The following WDR90 variants were observed in gnomAD, a reference collection of about 807,000 sequenced individuals.
WDR90 encodes WD repeat-containing protein 90.
Under a neutral mutation model 195.2 loss-of-function variants are expected in WDR90, and 238 were observed. The ratio of observed to expected loss-of-function variants is 1.22; its 90% confidence interval spans 1.10 to 1.36. WDR90 has a LOEUF of 1.36. WDR90 is among the 40% of genes most tolerant of loss of function. WDR90 has a pLI of 0.00. For synonymous variants in WDR90, 1,265 were observed against 1,052.4 expected (o/e 1.20, Z -3.91); for missense variants, 2,734 against 2,439.5 (o/e 1.12, Z -2.54).
chr16:651,111 G>A lies in WDR90; in HGVS notation c.668+8G>A. ...CCGCTACATCCACGTCCGGTGAGTG[G>A]TTCTGCTTCTTTCGAGGGAGGCCTC... On this transcript the variant is annotated splice_region_variant and intron_variant, in intron 6 of 40. Coordinates refer to ENST00000293879, the MANE Select transcript of WDR90 (RefSeq NM_145294.5). 2.0e-6 allele frequency: 3 copies of A among 1,526,644 alleles called. No homozygotes were observed. Among genetic ancestry groups the A allele is most frequent in the African/African-American group, 1.4e-5 (1 of 72,716 alleles). The allele number at this position is 1,526,644 out of a possible 1,614,324, so 94.6% of individuals were successfully genotyped here.
chr16:658,204 A>G lies in WDR90; in HGVS notation c.2626A>G (p.Thr876Ala). ...CCAGCTGCTGCGAGTTGACATCGGC[A>G]CTCTGGACCTGGCCAGCAGCCGCCT... ...LDELLRVDIGTLDLASSRLDS... is the reference protein window; with the variant it reads ...LDELLRVDIGALDLASSRLDS... Residue 876 changes from threonine (T) to alanine (A), a missense_variant, in exon 22 of 41, where the codon ACT (threonine) becomes GCT (alanine). Thr to Ala is a moderately conservative substitution (Grantham distance 58). Transcript: ENST00000293879. 6.2e-7 allele frequency: 1 copy of G among 1,610,810 alleles called. No individual in the cohort carries two copies. The highest frequency in any genetic ancestry group is 8.5e-7 in the Non-Finnish European group (1 of 1,178,832).
chr16:657,714 C>T, intron 20 of WDR90, 48 bp from the exon 21 acceptor site: 3 of 1,490,230 alleles, frequency 2.0e-6, no homozygotes, highest in Non-Finnish European at 2.7e-6. Flanking sequence ...TGGCCACGCG[C>T]ACCCCGGCAC....
At chr16:659,508 A>T in intron 26 of WDR90, 132 bp downstream of exon 26, 165 of 1,043,330 alleles carry the variant, frequency 1.6e-4, no homozygotes, top group Middle Eastern at 6.3e-4. Flanking sequence ...GGTGGAACAC[A>T]GTGGGGTCGG....
rs377039926 is a variant in WDR90, at chr16:653,441, A to G, written c.1223A>G (p.His408Arg). The change falls in exon 11 of 41, where the codon CAC becomes CGC. Residue 408 changes from histidine to arginine, a missense_variant. Coordinates refer to ENST00000293879, the MANE Select transcript of WDR90 (RefSeq NM_145294.5). ...GGGGAGCAGCGCTTCTTCCTTGGCC[A>G]CACAGACAAGGTGGGTGCTGCCCGG... ...DTGEQRFFLG[H>R]TDKVSALALD... 6.2e-7 allele frequency: 1 copy of G among 1,612,290 alleles called. No individual in the cohort carries two copies. The highest frequency in any genetic ancestry group is 8.5e-7 in the Non-Finnish European group (1 of 1,179,542).
chr16:656,350 G>T lies in WDR90; in HGVS notation c.2015G>T (p.Arg672Leu). ...SSVCVSPDGLRVLSATSSGHL... is the reference protein window; with the variant it reads ...SSVCVSPDGLLVLSATSSGHL... ...GTCTGTGTCAGCCCCGATGGCCTCC[G>T]TGTGCTGTCTGCCACCTCCTCGGGC... The change falls in exon 18 of 41, where the codon CGT becomes CTT. Residue 672 changes from arginine to leucine, a missense_variant. Physicochemically the swap from Arg to Leu is moderately radical, Grantham distance 102 (BLOSUM62 -2). Transcript: ENST00000293879. The T allele has an allele frequency of 6.3e-7, 1 of 1,586,832 alleles. No homozygotes were observed. The highest frequency in any genetic ancestry group is 8.6e-7 in the Non-Finnish European group (1 of 1,166,494).
chr16:656,115 C>T, intron 17 of WDR90, 187 bp from the exon 18 acceptor site: 1 of 755,506 alleles, frequency 1.3e-6, no homozygotes, highest in Non-Finnish European at 2.1e-6. Flanking sequence ...GTGTGTGAAG[C>T]CCCTCAGCCT....
At chr16:665,452 G>A (rs1388980771) in intron 34 of WDR90, 1 of 641,050 alleles carries the variant, frequency 1.6e-6, no homozygotes, top group African/African-American at 1.8e-5. Context: ...TATCCCGCCG[G>A]GTTTGACTGG....
chr16:649,854 G>A lies in WDR90; in HGVS notation c.102G>A (p.Thr34=). The change falls in exon 2 of 41, where the codon ACG becomes ACA. Residue 34 remains threonine, a splice_region_variant and synonymous_variant. Coordinates refer to ENST00000293879, the MANE Select transcript of WDR90 (RefSeq NM_145294.5). ...AGCAGGGGGACGTGGCCGTGGTCAC[G>A]GTAGGCGGCCGGGGGCTCGCCCGGA... is the stretch of plus-strand genomic sequence containing the variant. ...SAKQGDVAVV[T]DKTLKGAVYR... is the part of the protein sequence containing the mutation. The A allele has an allele frequency of 6.3e-7, 1 of 1,579,090 alleles. No homozygotes were observed. Among genetic ancestry groups the A allele is most frequent in the Non-Finnish European group, 8.6e-7 (1 of 1,162,934 alleles).
chr16:661,120 G>A lies in WDR90; in HGVS notation c.3461G>A (p.Trp1154Ter). 1.9e-6 allele frequency: 3 copies of A among 1,562,552 alleles called. No homozygotes were observed. The highest frequency in any genetic ancestry group is 2.6e-6 in the Non-Finnish European group (3 of 1,162,156). Reference sequence around the variant, plus strand: ...CTGCACTCTGGCGCCCAGCAGCACTGGTCCGGCCACTCTGCGGAGATCTCC... The same window carrying A: ...CTGCACTCTGGCGCCCAGCAGCACTAGTCCGGCCACTCTGCGGAGATCTCC... The part of the protein sequence containing the change: ...EDLHSGAQQH[W>*]SGHSAEISTL... The change falls in exon 29 of 41, where the codon TGG becomes TAG. Residue 1154 changes from tryptophan (W) to a stop codon, truncating the protein, a stop_gained. Transcript: ENST00000293879. LOFTEE classifies it high-confidence loss of function.
At chr16:649,949 T>G in intron 2 of WDR90, 42 bp from the exon 3 acceptor site, 1 of 1,608,736 alleles carries the variant, frequency 6.2e-7, no homozygotes, top group Non-Finnish European at 8.5e-7. Flanking sequence ...CCGCTGCACT[T>G]CTTCTGGGTG....
chr16:659,910 G>A lies in WDR90; in HGVS notation c.3185-148G>A, dbSNP rs1012370031. 1.4e-5 allele frequency: 9 copies of A among 641,060 alleles called. No homozygotes were observed. The African/African-American group carries it at 1.5e-4, about 10-fold the overall frequency. The allele number at this position is 641,060 out of a possible 1,614,324, so 39.7% of individuals were successfully genotyped here. On this transcript the variant is annotated intron_variant, in intron 26 of 40. Transcript: ENST00000293879. ...GGTCACCTGCAGTGGGACACGGTTT[G>A]CCTGCGTCTGTGGCTCCGGCCTGTG...
Position 653,776 on chromosome 16 carries a change from G to T in WDR90, c.1410G>T (p.Gly470=). 1 of 1,613,280 alleles carries T rather than the reference G, an allele frequency of 6.2e-7. No individual in the cohort carries two copies. The highest frequency in any genetic ancestry group is 8.5e-7 in the Non-Finnish European group (1 of 1,179,990). ...CTGACAGCGGGGCCCTTCTCTGCGG[G>T]GTTGGCAAGGACCACCACGGGAGGA... ...SFSDSGALLC[G]VGKDHHGRTM... is the part of the protein sequence containing the mutation. Residue 470 remains glycine, a synonymous_variant, in exon 13 of 41, where the codon GGG becomes GGT. Coordinates refer to ENST00000293879, the MANE Select transcript of WDR90 (RefSeq NM_145294.5).
At position 660,636 on chromosome 16, in the gene WDR90, G is replaced by A. The variant is rs1014997269; in HGVS notation, c.3313G>A (p.Gly1105Ser). The A allele has an allele frequency of 1.1e-5, 17 of 1,576,244 alleles. No individual in the cohort carries two copies. The highest frequency in any genetic ancestry group is 7.3e-5 in the Admixed American group (4 of 55,014). The change falls in exon 28 of 41, where the codon GGT becomes AGT. Residue 1105 changes from glycine to serine, a missense_variant. Transcript: ENST00000293879. ...AKGTCPPPAS[G>S]GWLRLKAVVG... ...GGGCACTTGCCCGCCTCCCGCCAGC[G>A]GTGGGTGGCTGCGTCTGAAGGCTGT...
intron 20 of WDR90, 25 bp from the exon 21 acceptor site, chr16:657,737 T>C (rs1766660316): frequency 3.9e-6 from 6 of 1,525,958 alleles, no homozygotes; most frequent in Non-Finnish European, 5.3e-6. Context: ...CCCACCCAGC[T>C]GACCCCTGCC....
In WDR90 at chr16:666,014, C is replaced by T; in HGVS notation, c.4499C>T (p.Ala1500Val). Residue 1500 changes from alanine (A) to valine (V), a missense_variant, in exon 36 of 41, where the codon GCT becomes GTT. Physicochemically the swap from Ala to Val is moderately conservative, Grantham distance 64. Transcript: ENST00000293879. The part of the protein sequence containing the change: ...CGRPEQQRLA[A>V]GYGDGSLRIF... The stretch of plus-strand genomic sequence containing the variant: ...CGCCCTGAGCAGCAGCGGCTAGCGG[C>T]TGGCTACGGTGACGGCTCCCTGCGC... The T allele has an allele frequency of 6.2e-7, 1 of 1,604,054 alleles. No individual in the cohort carries two copies. The highest frequency in any genetic ancestry group is 1.3e-5 in the African/African-American group (1 of 75,050).
In WDR90 at chr16:657,982, A is replaced by G. The variant is rs1230244939; in HGVS notation, c.2604+90A>G. The G allele has an allele frequency of 5.5e-6, 8 of 1,466,648 alleles. No individual in the cohort carries two copies. In the African/African-American group the frequency reaches 9.9e-5, roughly 18 times the overall value. The allele number at this position is 1,466,648 out of a possible 1,614,324, so 90.9% of individuals were successfully genotyped here. On this transcript the variant is annotated intron_variant, in intron 21 of 40. Coordinates refer to ENST00000293879, the MANE Select transcript of WDR90 (RefSeq NM_145294.5). ...AGGGAGGTCACGGCCACTCGGGAGCAGGACCCAGGCCCTGTCCCGCCTCCT... is the reference window on the plus strand; with the variant it reads ...AGGGAGGTCACGGCCACTCGGGAGCGGGACCCAGGCCCTGTCCCGCCTCCT...
chr16:650,614 A>T lies in WDR90; in HGVS notation c.464A>T (p.Tyr155Phe), dbSNP rs184261872. 8.3e-4 allele frequency: 1,346 copies of T among 1,612,704 alleles called. 2 individuals are homozygous for T. The highest frequency in any genetic ancestry group is 4.2e-4 in the Non-Finnish European group (492 of 1,179,916). ...QLDLQDVLLVYLNRCYGHLKS... is the reference protein window; with the variant it reads ...QLDLQDVLLVFLNRCYGHLKS... ...GATCTGCAGGACGTTCTCCTGGTCTACCTGAACCGGTGCTACGGCCATCTC... is the reference window on the plus strand; with the variant it reads ...GATCTGCAGGACGTTCTCCTGGTCTTCCTGAACCGGTGCTACGGCCATCTC... The change falls in exon 5 of 41, where the codon TAC (tyrosine) becomes TTC (phenylalanine). Residue 155 changes from tyrosine to phenylalanine, a missense_variant. Physicochemically the swap from Tyr to Phe is conservative, Grantham distance 22. Coordinates refer to ENST00000293879, the MANE Select transcript of WDR90 (RefSeq NM_145294.5).
intron 17 of WDR90, 115 bp downstream of exon 17, chr16:656,004 G>C: frequency 1.7e-6 from 2 of 1,208,642 alleles, no homozygotes; most frequent in Non-Finnish European, 2.2e-6. Context: ...TGGCTGCACA[G>C]GGTGCCACGG....
At position 650,674 on chromosome 16, in the gene WDR90, G is replaced by C. The variant is rs748546369; in HGVS notation, c.524G>C (p.Arg175Thr). Reference sequence around the variant, plus strand: ...AGGCTGTGCGCCAGCCTGCTGGTCAGGAACCTGTACACCAGTGACCTGTGC... The same window carrying C: ...AGGCTGTGCGCCAGCCTGCTGGTCACGAACCTGTACACCAGTGACCTGTGC... ...SIRLCASLLVRNLYTSDLCFE... is the reference protein window; with the variant it reads ...SIRLCASLLVTNLYTSDLCFE... Residue 175 changes from arginine (R) to threonine (T), a missense_variant, in exon 5 of 41, where the codon AGG becomes ACG. Arg to Thr is a moderately conservative substitution (Grantham distance 71, BLOSUM62 -1). Transcript: ENST00000293879. The C allele has an allele frequency of 6.2e-7, 1 of 1,612,524 alleles. No homozygotes were observed. The highest frequency in any genetic ancestry group is 1.1e-5 in the South Asian group (1 of 91,080).
Sources: allele counts gnomAD v4.1 joint callset, GRCh38; gene constraint gnomAD v4.1.1; transcripts MANE v1.5; gene names NCBI Gene and HGNC (gene_info 2026-07-23, HGNC 2026-07-21).